EDAR: variants seen among roughly 807,000 people sequenced by gnomAD.
EDAR encodes tumor necrosis factor receptor superfamily member EDAR.
Under a neutral mutation model 51.3 loss-of-function variants are expected in EDAR, and 38 were observed. The observed-to-expected ratio is 0.74, with a 90% CI of 0.57 to 0.97. The LOEUF is 0.97. Ranked by LOEUF, EDAR falls within the 50% of genes least tolerant of loss-of-function variation. The pLI, the probability that EDAR is intolerant of heterozygous loss-of-function variation, is 0.00. For missense variants in EDAR, 528 were observed against 595.0 expected (o/e 0.89, Z 1.17); for synonymous variants, 227 against 242.1 (o/e 0.94, Z 0.58).
chr2:108,937,441 G>A (rs1574391368), intron 1 of EDAR, among the ~76,000 whole-genome samples: 1 of 147,800 alleles, frequency 6.8e-6, no homozygotes, highest in Non-Finnish European at 1.5e-5. Flanking sequence ...TATTGTATAT[G>A]TGAGGATGTG....
chr2:108,972,550 G>A (rs1163114411), intron 1 of EDAR, among the ~76,000 whole-genome samples: 2 of 152,258 alleles, frequency 1.3e-5, no homozygotes, highest in East Asian at 3.8e-4. Flanking sequence ...AAAAGAGATT[G>A]TAGGTGACCT....
chr2:108,922,814 C>A (rs1697174486), intron 5 of EDAR, among the ~76,000 whole-genome samples: 1 of 152,158 alleles, frequency 6.6e-6, no homozygotes, highest in Non-Finnish European at 1.5e-5. Flanking sequence ...GGCAGAGGTA[C>A]CTGGCCCTTC....
chr2:108,910,499 A>G lies in EDAR; in HGVS notation c.764T>C (p.Phe255Ser). The G allele has an allele frequency of 6.2e-7, 1 of 1,613,890 alleles. No homozygotes were observed. The highest frequency in any genetic ancestry group is 8.5e-7 in the Non-Finnish European group (1 of 1,179,938). The change falls in exon 9 of 12, where the codon TTT (phenylalanine) becomes TCT (serine). Residue 255 changes from phenylalanine to serine, a missense_variant. Transcript: ENST00000258443. Reference protein sequence around the residue: ...NVVMFSEKDEFEKLTATPAKP... With the variant: ...NVVMFSEKDESEKLTATPAKP... The stretch of plus-strand genomic sequence containing the variant: ...TGCTGGAGTTGCTGTCAGCTTCTCA[A>G]ATTCATCCTTCTCGGAGAACATCAC...
intron 1 of EDAR, among the ~76,000 whole-genome samples, chr2:108,941,794 T>C (rs921099132): frequency 1.3e-5 from 2 of 152,170 alleles, no homozygotes; most frequent in Non-Finnish European, 2.9e-5. Flanking sequence ...AAACAGCCCA[T>C]GTGTGAGGCC....
intron 1 of EDAR, among the ~76,000 whole-genome samples, chr2:108,981,287 C>T (rs1574416912): frequency 6.6e-6 from 1 of 152,308 alleles, no homozygotes; most frequent in Non-Finnish European, 1.5e-5. Flanking sequence ...AGCATTCTTT[C>T]CAGAGCCGCA....
At chr2:108,932,242 G>T (rs1697378129) in intron 1 of EDAR, among the ~76,000 whole-genome samples, 1 of 152,100 alleles carries the variant, frequency 6.6e-6, no homozygotes, top group Admixed American at 6.5e-5. Flanking sequence ...AAATTAAGTT[G>T]GAGAGGCTGA....
intron 1 of EDAR, among the ~76,000 whole-genome samples, chr2:108,984,580 CTG>C (rs1319365916): frequency 1.3e-5 from 2 of 152,146 alleles, no homozygotes; most frequent in Admixed American, 6.5e-5. Flanking sequence ...TGCGGGTGTC[CTG>C]GTTCACTCCC....
At chr2:108,908,462 C>A (rs759308836) in intron 9 of EDAR, among the ~76,000 whole-genome samples, 12 of 152,234 alleles carry the variant, frequency 7.9e-5, no homozygotes, top group Non-Finnish European at 1.6e-4. Flanking sequence ...TCCATGCTGG[C>A]TCTCTGGAGT....
chr2:108,925,085 T>C (rs556861292), intron 4 of EDAR, among the ~76,000 whole-genome samples: 1 of 152,330 alleles, frequency 6.6e-6, no homozygotes, highest in Non-Finnish European at 1.5e-5. Context: ...CTAGGGGGAT[T>C]GGTCCCGCTC....
chr2:108,896,594 T>C lies in EDAR; in HGVS notation c.*313A>G. On this transcript the variant is annotated 3_prime_UTR_variant, in exon 12 of 12. Transcript: ENST00000258443. ...GTCATTCCCACGGGGTTTGATTCAT[T>C]TGAGTCCTCAACATTGTCTCATTGT... The C allele has an allele frequency of 5.9e-6, 2 of 339,206 alleles. No individual in the cohort carries two copies. The highest frequency in any genetic ancestry group is 5.6e-5 in the South Asian group (1 of 17,716). The allele number at this position is 339,206 out of a possible 1,614,324, so 21.0% of individuals were successfully genotyped here.
chr2:108,918,701 C>T (rs544899552), intron 5 of EDAR, among the ~76,000 whole-genome samples: 1 of 152,322 alleles, frequency 6.6e-6, no homozygotes, highest in East Asian at 1.9e-4. Flanking sequence ...GAGCCAGAAG[C>T]ACATGGCTGG....
Position 108,978,986 on chromosome 2 carries a change from G to T in EDAR, c.-19+9974C>A, listed in dbSNP as rs535310711. ...GAAAGTTCTCAGCAGGGGCAGGAGGGGGTGTAGTGTGTGAAGTACAGACAT... is the reference window on the plus strand; with the variant it reads ...GAAAGTTCTCAGCAGGGGCAGGAGGTGGTGTAGTGTGTGAAGTACAGACAT... On this transcript the variant is annotated intron_variant, in intron 1 of 11. Coordinates refer to ENST00000258443, the MANE Select transcript of EDAR (RefSeq NM_022336.4). Among the ~76,000 whole-genome samples the T allele has an allele frequency of 4.6e-5, 7 of 152,332 alleles. No individual in the cohort carries two copies. The South Asian group carries it at 1.4e-3, about 32-fold the overall frequency.
At chr2:108,915,495 T>A (rs960516195) in intron 5 of EDAR, among the ~76,000 whole-genome samples, 1 of 152,214 alleles carries the variant, frequency 6.6e-6, no homozygotes, top group Admixed American at 6.5e-5. Context: ...TGTTTCCTTG[T>A]GTTTCTGGAT....
chr2:108,949,484 G>A lies in EDAR; in HGVS notation c.-18-18452C>T, dbSNP rs77387639. 8.7e-3 allele frequency among the ~76,000 whole-genome samples: 1,328 copies of A among 152,238 alleles called. 12 individuals carry two copies. Among genetic ancestry groups the A allele is most frequent in the South Asian group, 0.03 (144 of 4,824 alleles). ...GGCTCTGAATAATATTGCCTACTGC[G>A]TCCCACAACTCTATGGGGACATCCA... is the stretch of plus-strand genomic sequence containing the variant. On this transcript the variant is annotated intron_variant, in intron 1 of 11. Transcript: ENST00000258443.
chr2:108,982,901 C>T (rs1698441152), intron 1 of EDAR, among the ~76,000 whole-genome samples: 1 of 152,200 alleles, frequency 6.6e-6, no homozygotes, highest in African/African-American at 2.4e-5. Context: ...CCCAGACAGG[C>T]CAGGTGCCTG....
chr2:108,964,994 T>C (rs192353575), intron 1 of EDAR, among the ~76,000 whole-genome samples: 114 of 152,326 alleles, frequency 7.5e-4, no homozygotes, highest in African/African-American at 2.6e-3. Flanking sequence ...CTCTCTTCAA[T>C]AGCACAACCT....
At chr2:108,961,944 C>T (rs1024942025) in intron 1 of EDAR, among the ~76,000 whole-genome samples, 2 of 152,206 alleles carry the variant, frequency 1.3e-5, no homozygotes, top group African/African-American at 2.4e-5. Context: ...AAAACTCTAG[C>T]TGTGTTCAGG....
At chr2:108,916,547 C>T (rs1342963792) in intron 5 of EDAR, among the ~76,000 whole-genome samples, 2 of 152,166 alleles carry the variant, frequency 1.3e-5, no homozygotes, top group South Asian at 2.1e-4. Flanking sequence ...GTGCCTCTAT[C>T]CTGATCACCG....
At chr2:108,926,574 G>T (rs552256647) in intron 4 of EDAR, among the ~76,000 whole-genome samples, 4 of 152,322 alleles carry the variant, frequency 2.6e-5, no homozygotes, top group Non-Finnish European at 5.9e-5. Flanking sequence ...CCAGAATCGC[G>T]GGGTGGTGGA....
Sources: gnomAD v4.1 joint callset for allele counts (sites outside exome capture counted in the v4.1 genomes callset) on GRCh38, gnomAD v4.1.1 for gene constraint, MANE v1.5 for transcripts, NCBI Gene and HGNC (gene_info 2026-07-23, HGNC 2026-07-21) for gene names.